Variants in LY6S observed in about 807,000 individuals in gnomAD.
LY6S encodes lymphocyte antigen 6S.
the LY6S span, chr8:143,043,286 G>A: frequency 6.8e-6 from 9 of 1,324,786 alleles, no homozygotes; most frequent in Non-Finnish European, 9.1e-6. Context: ...GGGGGAATCC[G>A]ACGTCCTTCT....
At chr8:143,046,352 C>T in the LY6S span, among the ~76,000 whole-genome samples, 35 of 151,912 alleles carry the variant, frequency 2.3e-4, 2 homozygotes, top group Admixed American at 1.4e-3. Context: ...CTGAAGTGGG[C>T]GGATCACAAG....
the LY6S span, among the ~76,000 whole-genome samples, chr8:143,073,025 C>T: frequency 1.4e-3 from 150 of 106,506 alleles, no homozygotes; most frequent in Middle Eastern, 6.3e-3. Flanking sequence ...CCGTCGTCCC[C>T]GGGGTCCCTG....
the LY6S span, among the ~76,000 whole-genome samples, chr8:143,054,455 C>G: frequency 6.6e-6 from 1 of 152,166 alleles, no homozygotes; most frequent in Non-Finnish European, 1.5e-5. Flanking sequence ...CTGCACAAAA[C>G]CTTTCACTTA....
At chr8:143,066,717 G>C in the LY6S span, 1 of 154,754 alleles carries the variant, frequency 6.5e-6, no homozygotes. Flanking sequence ...TTGTCTTTGA[G>C]TTCAAAGGCT....
chr8:143,066,955 C>G, the LY6S span, among the ~76,000 whole-genome samples: 2 of 152,188 alleles, frequency 1.3e-5, no homozygotes, highest in South Asian at 4.1e-4. Context: ...AAAGGCATTT[C>G]AGAAATCTCT....
the LY6S span, among the ~76,000 whole-genome samples, chr8:143,048,944 A>G: frequency 0.76 from 114,960 of 152,100 alleles, 43,801 homozygotes; most frequent in East Asian, 0.93. Flanking sequence ...GTAATCGGGC[A>G]TCACCAATGG....
the LY6S span, among the ~76,000 whole-genome samples, chr8:143,055,404 C>T: frequency 6.6e-6 from 1 of 152,124 alleles, no homozygotes; most frequent in African/African-American, 2.4e-5. Context: ...TAGTGAGAAT[C>T]CATAAGTTTG....
the LY6S span, chr8:143,047,664 T>C: frequency 1.3e-5 from 2 of 152,204 alleles, no homozygotes; most frequent in African/African-American, 4.8e-5. Context: ...ACTGACCCTT[T>C]GCTCATTATA....
At chr8:143,049,217 C>T in the LY6S span, 9 of 534,664 alleles carry the variant, frequency 1.7e-5, no homozygotes, top group South Asian at 8.4e-5. Context: ...AGGATTCTCT[C>T]GGCACCACGG....
At chr8:143,058,808 T>C in the LY6S span, among the ~76,000 whole-genome samples, 1 of 152,260 alleles carries the variant, frequency 6.6e-6, no homozygotes, top group African/African-American at 2.4e-5. Flanking sequence ...TCCCAGACGC[T>C]GGCATTACTG....
chr8:143,050,803 T>TA, the LY6S span, among the ~76,000 whole-genome samples: 1 of 151,270 alleles, frequency 6.6e-6, no homozygotes, highest in Non-Finnish European at 1.5e-5. Context: ...GCATGGAAAA[T>TA]AAAAAAAGAG....
At chr8:143,072,205 T>TCG in the LY6S span, among the ~76,000 whole-genome samples, 1 of 151,956 alleles carries the variant, frequency 6.6e-6, no homozygotes, top group African/African-American at 2.4e-5. Context: ...ACAGCCGTCA[T>TCG]TCTGGGGGTT....
chr8:143,047,906 C>G, the LY6S span: 7 of 152,390 alleles, frequency 4.6e-5, no homozygotes, highest in African/African-American at 1.7e-4. Flanking sequence ...TGAATCCTCT[C>G]TCTCAGGGCG....
the LY6S span, among the ~76,000 whole-genome samples, chr8:143,073,288 C>T: frequency 2.8e-3 from 369 of 130,342 alleles, 19 homozygotes; most frequent in African/African-American, 4.0e-3. Flanking sequence ...AGGAGACAGC[C>T]GTCGTCCCCG....
chr8:143,043,341 G>A, the LY6S span: 1 of 987,322 alleles, frequency 1.0e-6, no homozygotes, highest in Non-Finnish European at 1.4e-6. Context: ...CACTTTACCT[G>A]CGAGAGAGCG....
the LY6S span, among the ~76,000 whole-genome samples, chr8:143,074,862 C>T: frequency 6.6e-6 from 1 of 152,240 alleles, no homozygotes; most frequent in African/African-American, 2.4e-5. Flanking sequence ...GACTAACCCG[C>T]CCTCAGCACC....
chr8:143,049,705 C>T, the LY6S span, among the ~76,000 whole-genome samples: 1 of 152,226 alleles, frequency 6.6e-6, no homozygotes, highest in Non-Finnish European at 1.5e-5. Context: ...CATTTCACCC[C>T]CTCCTTATGC....
chr8:143,053,891 T>C, the LY6S span: 2 of 152,346 alleles, frequency 1.3e-5, no homozygotes, highest in East Asian at 3.9e-4. Flanking sequence ...ACCGGCATGG[T>C]TTCTACTTCC....
chr8:143,061,261 TA>T, the LY6S span, among the ~76,000 whole-genome samples: 1,059 of 141,768 alleles, frequency 7.5e-3, 7 homozygotes, highest in South Asian at 0.016. Context: ...CCCTGTCTCT[TA>T]AAAAAAAAAA....
Sources: gnomAD v4.1 joint callset for allele counts (sites outside exome capture counted in the v4.1 genomes callset) on GRCh38, gnomAD v4.1.1 for gene constraint, MANE v1.5 for transcripts, NCBI Gene and HGNC (gene_info 2026-07-23, HGNC 2026-07-21) for gene names.